Variants in CNTN4 observed in about 807,000 individuals in gnomAD.
CNTN4 encodes the protein contactin-4.
A neutral mutation model predicts 122.5 loss-of-function variants in CNTN4; 77 were observed. That is an observed-to-expected ratio of 0.63 (90% CI 0.52 to 0.76). The LOEUF (loss-of-function observed/expected upper bound fraction) is 0.76, where lower values mean the gene tolerates loss of function less well. Ranked by LOEUF, CNTN4 falls within the 30% of genes least tolerant of loss-of-function variation. The pLI is 0.00. For missense variants in CNTN4, 1,256 were observed against 1,259.1 expected (o/e 1.00, Z 0.04); for synonymous variants, 512 against 447.0 (o/e 1.15, Z -1.83).
chr3:2,405,793 T>C (rs932546049), intron 3 of CNTN4, among the ~76,000 whole-genome samples: 2 of 151,986 alleles, frequency 1.3e-5, no homozygotes, highest in Non-Finnish European at 2.9e-5. Context: ...GAGGCTGAGG[T>C]GGGTGAATCA....
intron 2 of CNTN4, among the ~76,000 whole-genome samples, chr3:2,191,258 T>G (rs2037531356): frequency 6.6e-6 from 1 of 150,388 alleles, no homozygotes; most frequent in African/African-American, 2.4e-5. Flanking sequence ...AATGTGGCTT[T>G]TTTTTTTTTG....
chr3:2,824,508 C>G (rs1370094734), intron 7 of CNTN4, among the ~76,000 whole-genome samples: 1 of 152,058 alleles, frequency 6.6e-6, no homozygotes, highest in Non-Finnish European at 1.5e-5. Flanking sequence ...CTCGCTCACT[C>G]TGAGGCAGCA....
In CNTN4 at chr3:2,736,247, C is replaced by G; in HGVS notation, c.88C>G (p.Gln30Glu). 2 of 1,613,536 alleles carry G rather than the reference C, an allele frequency of 1.2e-6. No homozygotes were observed. Among genetic ancestry groups the G allele is most frequent in the Non-Finnish European group, 1.7e-6 (2 of 1,179,680 alleles). ...DSTLHGPIFI[Q>E]EPSPVMFPLD... ...CACACTGCATGGCCCGATTTTTATT[C>G]AAGAACCAAGTCCTGTAATGTTCCC... Residue 30 changes from glutamine to glutamate, a missense_variant, in exon 5 of 25, where the codon CAA (glutamine) becomes GAA (glutamate). Transcript: ENST00000418658.
intron 16 of CNTN4, among the ~76,000 whole-genome samples, chr3:3,031,934 C>A (rs1699200373): frequency 6.6e-6 from 1 of 152,158 alleles, no homozygotes; most frequent in Non-Finnish European, 1.5e-5. Flanking sequence ...GGTTAATCTG[C>A]ATGCACAGAG....
In CNTN4 at chr3:2,925,798, T is replaced by G. The variant is rs2094467980; in HGVS notation, c.1358+19T>G. 6.2e-7 allele frequency: 1 copy of G among 1,601,264 alleles called. No individual in the cohort carries two copies. Among genetic ancestry groups the G allele is most frequent in the African/African-American group, 1.3e-5 (1 of 74,650 alleles). ...ATGAAAGGTACTGTCTTGAATTATT[T>G]TCAATATTTGGTTAACCTGTAAAAA... is the stretch of plus-strand genomic sequence containing the variant. On this transcript the variant is annotated intron_variant, in intron 13 of 24. Transcript: ENST00000418658.
intron 3 of CNTN4, among the ~76,000 whole-genome samples, chr3:2,549,149 G>A (rs2078374701): frequency 6.6e-6 from 1 of 152,130 alleles, no homozygotes; most frequent in African/African-American, 2.4e-5. Flanking sequence ...TCTGCAAACA[G>A]AGACAATTTG....
At chr3:2,752,807 C>CT (rs1576663622) in intron 6 of CNTN4, among the ~76,000 whole-genome samples, 1 of 152,148 alleles carries the variant, frequency 6.6e-6, no homozygotes, top group African/African-American at 2.4e-5. Flanking sequence ...ACTGTCTACT[C>CT]TAATTCTGTC....
In CNTN4 at chr3:2,665,881, G is replaced by A. The variant is rs564723818; in HGVS notation, c.56-70334G>A. On this transcript the variant is annotated intron_variant, in intron 4 of 24. Coordinates refer to ENST00000418658, the MANE Select transcript of CNTN4 (RefSeq NM_175607.3). ...ACGTGGCGTGTGGTATCAGTGGAAC[G>A]GATGCTTTCATCTGCCTTTTTTCGA... 3.2e-4 allele frequency among the ~76,000 whole-genome samples: 48 copies of A among 152,286 alleles called. No homozygotes were observed. In the South Asian group the frequency reaches 8.7e-3, roughly 28 times the overall value.
At chr3:2,323,304 T>A (rs2043334374) in intron 2 of CNTN4, among the ~76,000 whole-genome samples, 1 of 151,984 alleles carries the variant, frequency 6.6e-6, no homozygotes, top group Non-Finnish European at 1.5e-5. Flanking sequence ...GGAGGGAAAG[T>A]CACACAGGAG....
chr3:2,140,290 T>A (rs1391551837), intron 2 of CNTN4, among the ~76,000 whole-genome samples: 1 of 152,236 alleles, frequency 6.6e-6, no homozygotes, highest in Non-Finnish European at 1.5e-5. Flanking sequence ...TATGGATTGA[T>A]GAGAAAACAG....
intron 3 of CNTN4, among the ~76,000 whole-genome samples, chr3:2,496,579 G>A (rs2076457657): frequency 6.6e-6 from 1 of 152,128 alleles, no homozygotes; most frequent in Admixed American, 6.5e-5. Flanking sequence ...GTCTCCTGGA[G>A]ATAGGCTCTG....
intron 23 of CNTN4, among the ~76,000 whole-genome samples, chr3:3,044,279 C>A (rs1700422807): frequency 6.6e-6 from 1 of 152,192 alleles, no homozygotes; most frequent in Non-Finnish European, 1.5e-5. Flanking sequence ...TGCAACGTTT[C>A]CAGCTACCTA....
intron 7 of CNTN4, among the ~76,000 whole-genome samples, chr3:2,820,899 C>T (rs1168949735): frequency 2.0e-5 from 3 of 149,592 alleles, no homozygotes; most frequent in Admixed American, 6.7e-5. Flanking sequence ...CTGCAACTAA[C>T]TGAAAACCCA....
chr3:2,272,727 G>A (rs952390666), intron 2 of CNTN4, among the ~76,000 whole-genome samples: 6 of 152,000 alleles, frequency 3.9e-5, no homozygotes, highest in Non-Finnish European at 7.4e-5. Context: ...TATGATTATC[G>A]TGATTATTGC....
chr3:2,578,798 G>A (rs1013751365), intron 4 of CNTN4, among the ~76,000 whole-genome samples: 1 of 152,052 alleles, frequency 6.6e-6, no homozygotes, highest in Non-Finnish European at 1.5e-5. Context: ...GCCATAAAAT[G>A]AAGCCCATGT....
chr3:2,370,928 C>T (rs1302545674), intron 3 of CNTN4, among the ~76,000 whole-genome samples: 3 of 152,152 alleles, frequency 2.0e-5, no homozygotes, highest in Admixed American at 6.5e-5. Context: ...CTATCCTCCA[C>T]CTGAAAAGCG....
chr3:2,797,470 C>T lies in CNTN4; in HGVS notation c.359-22016C>T, dbSNP rs528526086. Among the ~76,000 whole-genome samples the T allele has an allele frequency of 1.4e-4, 21 of 152,150 alleles. No individual in the cohort carries two copies. The East Asian group carries it at 2.3e-3, about 17-fold the overall frequency. On this transcript the variant is annotated intron_variant, in intron 6 of 24. Transcript: ENST00000418658. Reference sequence around the variant, plus strand: ...AAGATTAGCCAGGTGTGGTGGTGGGCGCCTGTAATCCCAGCTACTCAGGAG... The same window carrying T: ...AAGATTAGCCAGGTGTGGTGGTGGGTGCCTGTAATCCCAGCTACTCAGGAG...
chr3:2,825,851 C>G (rs950464329), intron 7 of CNTN4, among the ~76,000 whole-genome samples: 4 of 152,132 alleles, frequency 2.6e-5, no homozygotes, highest in African/African-American at 9.7e-5. Flanking sequence ...TTTGGAGAAA[C>G]TAGCTAAAAT....
chr3:2,199,328 T>G (rs1398782020), intron 2 of CNTN4, among the ~76,000 whole-genome samples: 2 of 152,082 alleles, frequency 1.3e-5, no homozygotes, highest in Non-Finnish European at 2.9e-5. Flanking sequence ...ACTTTTAAAG[T>G]GTGTGTGTGT....
Sources: allele counts gnomAD v4.1 joint callset (sites outside exome capture counted in the v4.1 genomes callset), GRCh38; gene constraint gnomAD v4.1.1; transcripts MANE v1.5; gene names NCBI Gene and HGNC (gene_info 2026-07-23, HGNC 2026-07-21).